Variants in CSNK1G2 observed in about 807,000 individuals in gnomAD.
CSNK1G2 encodes casein kinase 1 gamma 2, also known as casein kinase I isoform gamma-2.
A neutral mutation model predicts 48.0 loss-of-function variants in CSNK1G2; 11 were observed. That is an observed-to-expected ratio of 0.23 (90% CI 0.14 to 0.38). The LOEUF (loss-of-function observed/expected upper bound fraction) is 0.38. Among genes scored for constraint, CSNK1G2 ranks in the 10% least tolerant of loss-of-function variants. The probability of loss-of-function intolerance (pLI) is 1.00; values close to 1 mark genes in which losing one functional copy is unlikely to be tolerated. For missense variants in CSNK1G2, 446 were observed against 595.5 expected (o/e 0.75, Z 2.61); for synonymous variants, 337 against 254.1 (o/e 1.33, Z -3.10).
At position 1,975,536 on chromosome 19, in the gene CSNK1G2, G is replaced by A. The variant is rs557124044; in HGVS notation, c.188-2769G>A. 74 of 985,468 alleles carry A rather than the reference G, an allele frequency of 7.5e-5. No individual in the cohort carries two copies. The African/African-American group carries it at 8.9e-4, about 12-fold the overall frequency. 61.0% of individuals were successfully genotyped at this position (985,468 alleles called of 1,614,324 possible). On this transcript the variant is annotated intron_variant, in intron 2 of 11. Transcript: ENST00000255641. ...TGTGAGCCGCGGCACAGCACCAGGCGGGCACACGCAGCACGACACGGCGAG... is the reference window on the plus strand; with the variant it reads ...TGTGAGCCGCGGCACAGCACCAGGCAGGCACACGCAGCACGACACGGCGAG...
intron 1 of CSNK1G2, among the ~76,000 whole-genome samples, chr19:1,951,927 G>A (rs139050843): frequency 6.9e-4 from 105 of 152,242 alleles, no homozygotes; most frequent in African/African-American, 2.1e-3. Flanking sequence ...TGATCCACCC[G>A]CCTCGGCCTT....
At chr19:1,969,096 G>A (rs2015476362) in intron 1 of CSNK1G2, among the ~76,000 whole-genome samples, 1 of 152,200 alleles carries the variant, frequency 6.6e-6, no homozygotes, top group South Asian at 2.1e-4. Context: ...CCCTGGGCCT[G>A]GATACGGGGA....
chr19:1,969,316 G>C (rs1223005904), intron 1 of CSNK1G2, among the ~76,000 whole-genome samples, 192 bp from the exon 2 acceptor site: 1 of 145,016 alleles, frequency 6.9e-6, no homozygotes, highest in African/African-American at 2.6e-5. Context: ...GAGATCTCTG[G>C]CCTCTGATGT....
At chr19:1,968,280 C>T (rs2015445852) in intron 1 of CSNK1G2, among the ~76,000 whole-genome samples, 1 of 137,480 alleles carries the variant, frequency 7.3e-6, no homozygotes, top group Admixed American at 7.3e-5. Flanking sequence ...CCCCGACCAC[C>T]CTTCAGTTCT....
Position 1,965,738 on chromosome 19 carries a change from G to T in CSNK1G2, c.-265-3770G>T, listed in dbSNP as rs368135941. Among the ~76,000 whole-genome samples, 5 of 152,094 alleles carry T rather than the reference G, an allele frequency of 3.3e-5. No individual in the cohort carries two copies. In the South Asian group the frequency reaches 1.0e-3, roughly 32 times the overall value. ...GTCTTGAACTCCTGAGCTCAAAGCA[G>T]TCTGCCCGCCTCAGCCTCCCAAAGT... is the stretch of plus-strand genomic sequence containing the variant. On this transcript the variant is annotated intron_variant, in intron 1 of 11. Transcript: ENST00000255641.
Position 1,979,806 on chromosome 19 carries a change from G to A in CSNK1G2, c.1057G>A (p.Asp353Asn), listed in dbSNP as rs1251100124. The change falls in exon 10 of 12, where the codon GAC (aspartate) becomes AAC (asparagine). Residue 353 changes from aspartate to asparagine, a missense_variant. This residue lies in a region of CSNK1G2 where 188 missense variants were observed against 179.6 expected (regional missense o/e 1.05). Coordinates refer to ENST00000255641, the MANE Select transcript of CSNK1G2 (RefSeq NM_001319.7). ...CCTGCCCTCCCAGCCTCAGCTCCGG[G>A]ACAAAACCCAGCCGCACAGCAAAAA... is the stretch of plus-strand genomic sequence containing the variant. The part of the protein sequence containing the change: ...TDLPSQPQLR[D>N]KTQPHSKNQA... 1.2e-6 allele frequency: 2 copies of A among 1,607,218 alleles called. No homozygotes were observed. Among genetic ancestry groups the A allele is most frequent in the Middle Eastern group, 1.7e-4 (1 of 6,050 alleles).
chr19:1,947,669 A>T (rs992027840), intron 1 of CSNK1G2, among the ~76,000 whole-genome samples: 1 of 152,160 alleles, frequency 6.6e-6, no homozygotes, highest in East Asian at 1.9e-4. Context: ...GGCCCTGGCC[A>T]CGTGCAGGCC....
At position 1,979,725 on chromosome 19, in the gene CSNK1G2, T is replaced by A. The variant is rs878978571; in HGVS notation, c.1003-27T>A. The A allele has an allele frequency of 1.9e-6, 3 of 1,603,686 alleles. No homozygotes were observed. The South Asian group carries it at 3.3e-5, about 18-fold the overall frequency. On this transcript the variant is annotated intron_variant, in intron 9 of 11. Transcript: ENST00000255641. ...AGATGGGAACCGGCGCTGCAGCCCA[T>A]CCTGACCCCTGCTCCCTCACCCACA...
intron 1 of CSNK1G2, among the ~76,000 whole-genome samples, chr19:1,946,778 A>G (rs1017798986): frequency 6.9e-6 from 1 of 145,790 alleles, no homozygotes; most frequent in East Asian, 2.1e-4. Flanking sequence ...ACGCCTGGCT[A>G]ATTTTTGTAT....
At chr19:1,942,790 C>T (rs1012654696) in intron 1 of CSNK1G2, among the ~76,000 whole-genome samples, 1 of 152,156 alleles carries the variant, frequency 6.6e-6, no homozygotes, top group Non-Finnish European at 1.5e-5. Flanking sequence ...GACTGTGTGC[C>T]AGGGCCCCCA....
At chr19:1,945,941 G>A (rs959855541) in intron 1 of CSNK1G2, among the ~76,000 whole-genome samples, 2 of 152,224 alleles carry the variant, frequency 1.3e-5, no homozygotes, top group African/African-American at 2.4e-5. Context: ...GACCGAAGCT[G>A]TGGGTGCCAA....
At chr19:1,970,025 AGCCTCTGGTGGGGCCGCCCGGG>A (rs2015511342) in intron 2 of CSNK1G2, 66 bp downstream of exon 2, 2 of 1,255,572 alleles carry the variant, frequency 1.6e-6, no homozygotes, top group Non-Finnish European at 2.0e-6. Context: ...GAGTCACCGG[AGCCTCTGGTGGGGCCGCCCGGG>A]GTCACTGGAG....
rs570468097 is a variant in CSNK1G2, at chr19:1,978,233, C to CG, written c.188-67dup. On this transcript the variant is annotated intron_variant, in intron 2 of 11. Transcript: ENST00000255641. This position sits in a 1 kb window ranked among gnomAD's most constrained non-coding sequence, Gnocchi z 7.3. Reference sequence around the variant, plus strand: ...AGGGACCCCCTCCTGCCTCCTGCCTCGGGGGTGGGCTGGGGAGGTCGGGGC... The same window carrying CG: ...AGGGACCCCCTCCTGCCTCCTGCCTCGGGGGGTGGGCTGGGGAGGTCGGGGC... 3.5e-4 allele frequency: 515 copies of CG among 1,463,194 alleles called. 7 individuals carry two copies. The South Asian group carries it at 4.4e-3, about 13-fold the overall frequency. The allele number at this position is 1,463,194 out of a possible 1,614,324, so 90.6% of individuals were successfully genotyped here.
At chr19:1,976,729 CT>C (rs2015768969) in intron 2 of CSNK1G2, among the ~76,000 whole-genome samples, 1 of 136,762 alleles carries the variant, frequency 7.3e-6, no homozygotes, top group Non-Finnish European at 1.5e-5. Context: ...GTGGAGGCCT[CT>C]TTCTTGCTTT....
In CSNK1G2 at chr19:1,981,131, C is replaced by G. The variant is rs2015977803; in HGVS notation, c.*928C>G. On this transcript the variant is annotated 3_prime_UTR_variant, in exon 12 of 12. Transcript: ENST00000255641. ...ATATTGCAGGGGCCTGGGGGCGGCC[C>G]TGGACTGGCGGGCGGTTCCCCAGTG... 6.6e-6 allele frequency: 1 copy of G among 152,254 alleles called. No homozygotes were observed. The highest frequency in any genetic ancestry group is 3.2e-3 in the Middle Eastern group (1 of 316). The allele number at this position is 152,254 out of a possible 1,614,324, so 9.4% of individuals were successfully genotyped here.
chr19:1,975,021 TG>T, intron 2 of CSNK1G2: 1 of 975,768 alleles, frequency 1.0e-6, no homozygotes, highest in South Asian at 4.7e-5. Flanking sequence ...AGGCCTCAGA[TG>T]CTGCCACACC....
chr19:1,977,771 G>C (rs1238935772), intron 2 of CSNK1G2, among the ~76,000 whole-genome samples: 1 of 129,954 alleles, frequency 7.7e-6, no homozygotes, highest in East Asian at 2.7e-4. Flanking sequence ...AAAAAAAAAA[G>C]GTTCTGGGCC....
rs148849342 is a variant in CSNK1G2 at position 1,974,178 on chromosome 19, C to T, written c.188-4127C>T. Among the ~76,000 whole-genome samples the T allele has an allele frequency of 2.0e-4, 30 of 152,274 alleles. No homozygotes were observed. The East Asian group carries it at 5.0e-3, about 26-fold the overall frequency. On this transcript the variant is annotated intron_variant, in intron 2 of 11. Coordinates refer to ENST00000255641, the MANE Select transcript of CSNK1G2 (RefSeq NM_001319.7). ...AAGTGCTAGGGTTACAGGCATGAGC[C>T]ACTGCACCTGGCCAGATCATTTATA...
chr19:1,961,850 C>T (rs902767450), intron 1 of CSNK1G2, among the ~76,000 whole-genome samples: 3 of 152,156 alleles, frequency 2.0e-5, no homozygotes, highest in Non-Finnish European at 2.9e-5. Context: ...ATCCGCTGGC[C>T]GCTAAGCAGG....
Sources: gnomAD v4.1 joint callset for allele counts (sites outside exome capture counted in the v4.1 genomes callset) on GRCh38, gnomAD v4.1.1 for gene constraint, gnomAD v4.1.1 regional missense constraint, Gnocchi (gnomAD v3.1) non-coding constraint, MANE v1.5 for transcripts, NCBI Gene and HGNC (gene_info 2026-07-23, HGNC 2026-07-21) for gene names.